Variants in IMPG1 observed in about 807,000 individuals in gnomAD.
IMPG1 encodes the protein interphotoreceptor matrix proteoglycan of 150 kDa.
In IMPG1, 85 loss-of-function variants were observed where a neutral mutation model predicts 92.0. That is an observed-to-expected ratio of 0.92 (90% confidence interval 0.78 to 1.11). The LOEUF (loss-of-function observed/expected upper bound fraction) is 1.11. Ranked by LOEUF, IMPG1 falls within the 50% of genes least tolerant of loss-of-function variation. The pLI is 0.00. For synonymous variants in IMPG1, 367 were observed against 334.1 expected (o/e 1.10, Z -1.08); for missense variants, 1,022 against 956.0 (o/e 1.07, Z -0.91).
intron 5 of IMPG1, among the ~76,000 whole-genome samples, chr6:76,023,269 A>G (rs1314164833): frequency 6.6e-6 from 1 of 152,150 alleles, no homozygotes; most frequent in South Asian, 2.1e-4. Context: ...AGCAATTGGG[A>G]TGGAGGTGTT....
Position 75,923,646 on chromosome 6 carries a change from TTGATTTTGGAACTTTTTAACAC to T in IMPG1, c.2282_2303del (p.Ser761AsnfsTer6). ...AGTATGATTTTACCTTGTTATTTTG[TTGATTTTGGAACTTTTTAACAC>T]TAGTTTTGTATGCTTGATTTTCAGA... is the stretch of plus-strand genomic sequence containing the variant. On this transcript the variant is annotated frameshift_variant, in exon 16 of 17. Transcript: ENST00000369950. LOFTEE classifies it high-confidence loss of function. The T allele has an allele frequency of 1.3e-6, 2 of 1,551,038 alleles. No individual in the cohort carries two copies. The highest frequency in any genetic ancestry group is 1.7e-4 in the Middle Eastern group (1 of 5,946).
intron 12 of IMPG1, among the ~76,000 whole-genome samples, chr6:75,960,181 C>T (rs753956852): frequency 2.0e-5 from 3 of 152,164 alleles, no homozygotes; most frequent in Non-Finnish European, 4.4e-5. Context: ...TGCTTCAGCT[C>T]ACCCTCCGTG....
intron 2 of IMPG1, among the ~76,000 whole-genome samples, chr6:76,040,375 C>G (rs2149489800): frequency 1.3e-5 from 2 of 152,318 alleles, no homozygotes; most frequent in South Asian, 4.1e-4. Flanking sequence ...TAGTTGCATT[C>G]ATATTCAGTG....
Position 76,005,438 on chromosome 6 carries a change from G to C in IMPG1, c.984C>G (p.Asn328Lys), listed in dbSNP as rs769041981. 1 of 1,613,956 alleles carries C rather than the reference G, an allele frequency of 6.2e-7. No individual in the cohort carries two copies. The highest frequency in any genetic ancestry group is 8.5e-7 in the Non-Finnish European group (1 of 1,179,942). Residue 328 changes from asparagine to lysine, a missense_variant, in exon 10 of 17, where the codon AAC becomes AAG. By Grantham distance (94) the Asn-to-Lys change is moderately conservative. This residue lies in a region of IMPG1 where 681 missense variants were observed against 583.6 expected (regional missense o/e 1.17). Transcript: ENST00000369950. The stretch of plus-strand genomic sequence containing the variant: ...GATAGACTTCCTCACTTTCAATTTT[G>C]TTGGAATCAAAAGACAGGAGGTCAC... Reference protein sequence around the residue: ...PASDLLSFDSNKIESEEVYHG... With the variant: ...PASDLLSFDSKKIESEEVYHG...
At chr6:75,981,526 G>T (rs1027141023) in intron 12 of IMPG1, among the ~76,000 whole-genome samples, 4 of 152,336 alleles carry the variant, frequency 2.6e-5, no homozygotes, top group Non-Finnish European at 4.4e-5. Context: ...TCCAGGTGTT[G>T]TCAGTCTAAG....
In IMPG1 at chr6:75,921,874, G is replaced by T; in HGVS notation, c.*215C>A. ...AAATATGTTTCGCTGATTGCATTTG[G>T]GGTTTTAATAATAAGTAAGTGTCTT... is the stretch of plus-strand genomic sequence containing the variant. On this transcript the variant is annotated 3_prime_UTR_variant, in exon 17 of 17. Transcript: ENST00000369950. The T allele has an allele frequency of 2.5e-6, 1 of 393,062 alleles. No homozygotes were observed. Among genetic ancestry groups the T allele is most frequent in the Non-Finnish European group, 4.6e-6 (1 of 219,416 alleles). The allele number at this position is 393,062 out of a possible 1,614,324, so 24.3% of individuals were successfully genotyped here.
At chr6:75,981,550 T>G (rs1404412732) in intron 12 of IMPG1, among the ~76,000 whole-genome samples, 1 of 152,232 alleles carries the variant, frequency 6.6e-6, no homozygotes, top group Non-Finnish European at 1.5e-5. Context: ...GTCAACATCT[T>G]TCTTTGCTTA....
At chr6:75,980,418 G>A (rs1161618590) in intron 12 of IMPG1, among the ~76,000 whole-genome samples, 4 of 152,192 alleles carry the variant, frequency 2.6e-5, no homozygotes, top group East Asian at 1.9e-4. Flanking sequence ...GCAAAGCATC[G>A]TTCCTGGGTG....
rs188076748 is a variant in IMPG1 at position 76,013,226 on chromosome 6, C to T, written c.808-2002G>A. Among the ~76,000 whole-genome samples the T allele has an allele frequency of 3.0e-4, 45 of 152,166 alleles. No homozygotes were observed. In the South Asian group the frequency reaches 8.5e-3, roughly 29 times the overall value. ...GCTGGACCCATTGAACAAGATCCAA[C>T]TGTTTAGAATGGCATTTAAGACCCT... On this transcript the variant is annotated intron_variant, in intron 7 of 16. Coordinates refer to ENST00000369950, the MANE Select transcript of IMPG1 (RefSeq NM_001563.4).
chr6:76,032,435 C>T (rs2149487339), intron 4 of IMPG1, among the ~76,000 whole-genome samples: 1 of 152,272 alleles, frequency 6.6e-6, no homozygotes, highest in East Asian at 1.9e-4. Context: ...CACATTATTT[C>T]TCCTGGCAAT....
intron 1 of IMPG1, among the ~76,000 whole-genome samples, chr6:76,056,248 C>T (rs1784118537): frequency 6.6e-6 from 1 of 152,042 alleles, no homozygotes; most frequent in South Asian, 2.1e-4. Flanking sequence ...TCTCAATACA[C>T]ATAGAAGAAA....
chr6:76,000,030 A>C (rs781706375), intron 12 of IMPG1, among the ~76,000 whole-genome samples: 1 of 152,182 alleles, frequency 6.6e-6, no homozygotes, highest in African/African-American at 2.4e-5. Flanking sequence ...AGGACATGGT[A>C]CTATAACCGA....
At position 75,950,552 on chromosome 6, in the gene IMPG1, G is replaced by GC; in HGVS notation, c.1824+9dup. 7 of 1,584,890 alleles carry GC rather than the reference G, an allele frequency of 4.4e-6. No homozygotes were observed. The highest frequency in any genetic ancestry group is 6.0e-6 in the Non-Finnish European group (7 of 1,164,764). ...CAAAGAATTGGGAATTGTGAGCAGT[G>GC]CCCACTCACCAGCTGTGTGAATTGT... On this transcript the variant is annotated intron_variant, in intron 13 of 16. Transcript: ENST00000369950.
chr6:75,964,542 T>G (rs929730790), intron 12 of IMPG1, among the ~76,000 whole-genome samples: 1 of 151,766 alleles, frequency 6.6e-6, no homozygotes, highest in Non-Finnish European at 1.5e-5. Context: ...CCAGGTGTGG[T>G]GGCGGGCGCC....
Position 75,950,883 on chromosome 6 carries a change from T to G in IMPG1, c.1503A>C (p.Ala501=). 2 of 1,613,922 alleles carry G rather than the reference T, an allele frequency of 1.2e-6. No homozygotes were observed. The highest frequency in any genetic ancestry group is 1.7e-6 in the Non-Finnish European group (2 of 1,179,924). Residue 501 remains alanine (A), a synonymous_variant, in exon 13 of 17, where the codon GCA becomes GCC. Coordinates refer to ENST00000369950, the MANE Select transcript of IMPG1 (RefSeq NM_001563.4). The part of the protein sequence containing the change: ...QLALGISHPP[A]SSDDSRSSAG... ...CACTTGATCGGCTGTCATCTGAAGA[T>G]GCAGGTGGATGTGAAATTCCCAGAG...
At chr6:76,044,179 C>T (rs1783893023) in intron 1 of IMPG1, among the ~76,000 whole-genome samples, 1 of 152,160 alleles carries the variant, frequency 6.6e-6, no homozygotes, top group African/African-American at 2.4e-5. Context: ...GAGCCGAGCA[C>T]ACAGCTGTTA....
chr6:75,963,929 G>A (rs1051956131), intron 12 of IMPG1, among the ~76,000 whole-genome samples: 3 of 152,174 alleles, frequency 2.0e-5, no homozygotes, highest in African/African-American at 7.2e-5. Context: ...GGGAAAGTTT[G>A]TCAAAAACAC....
chr6:75,950,567 G>A lies in IMPG1; in HGVS notation c.1819C>T (p.Gln607Ter), dbSNP rs1782005506. ...EYRALEQQFT[Q>*]LLVPYLRSNL... is the part of the protein sequence containing the mutation. ...TGTGAGCAGTGCCCACTCACCAGCT[G>A]TGTGAATTGTTGCTCCAGAGCTCGG... Residue 607 changes from glutamine to a stop codon, truncating the protein, a stop_gained, in exon 13 of 17, where the codon CAG becomes TAG. Transcript: ENST00000369950. LOFTEE classifies it high-confidence loss of function. The A allele has an allele frequency of 6.2e-7, 1 of 1,605,738 alleles. No individual in the cohort carries two copies. The highest frequency in any genetic ancestry group is 1.7e-5 in the Admixed American group (1 of 59,302).
At chr6:76,061,595 T>C (rs563160189) in intron 1 of IMPG1, among the ~76,000 whole-genome samples, 1 of 152,362 alleles carries the variant, frequency 6.6e-6, no homozygotes, top group East Asian at 1.9e-4. Flanking sequence ...CTTGGTGAAC[T>C]AATAATAACT....
Sources: gnomAD v4.1 joint callset for allele counts (sites outside exome capture counted in the v4.1 genomes callset) on GRCh38, gnomAD v4.1.1 for gene constraint, gnomAD v4.1.1 regional missense constraint, MANE v1.5 for transcripts, NCBI Gene and HGNC (gene_info 2026-07-23, HGNC 2026-07-21) for gene names.